The following OTUD7A variants were observed in gnomAD, a reference collection of about 807,000 sequenced individuals.
The protein encoded by OTUD7A is OTU deubiquitinase 7A.
OTUD7A carries 12 observed loss-of-function variants against 65.7 expected under a neutral mutation model. The ratio of observed to expected loss-of-function variants is 0.18; its 90% CI spans 0.12 to 0.30. The LOEUF is 0.30. OTUD7A is among the 10% of genes least tolerant of loss of function. The pLI is 1.00. For missense variants in OTUD7A, 1,148 were observed against 1,304.8 expected (o/e 0.88, Z 1.85); for synonymous variants, 641 against 586.3 (o/e 1.09, Z -1.35).
At chr15:31,749,182 C>T (rs1288816100) in intron 1 of OTUD7A, among the ~76,000 whole-genome samples, 2 of 151,992 alleles carry the variant, frequency 1.3e-5, no homozygotes, top group Non-Finnish European at 2.9e-5. Context: ...ATATACCTAA[C>T]GTTAAATGAC....
At chr15:31,488,152 G>A (rs1489062511) in intron 10 of OTUD7A, among the ~76,000 whole-genome samples, 3 of 152,184 alleles carry the variant, frequency 2.0e-5, no homozygotes, top group Non-Finnish European at 4.4e-5. Context: ...GATGAGCCCT[G>A]GAAGGGTAAA....
At position 31,484,243 on chromosome 15, in the gene OTUD7A, G is replaced by T; in HGVS notation, c.1853C>A (p.Ala618Asp). Residue 618 changes from alanine (A) to aspartate (D), a missense_variant, in exon 13 of 13, where the codon GCC becomes GAC. This residue lies in a region of OTUD7A where 842 missense variants were observed against 769.5 expected (regional missense o/e 1.09). Coordinates refer to ENST00000307050, the MANE Select transcript of OTUD7A (RefSeq NM_001382637.1). This position sits in a 1 kb window ranked among gnomAD's most constrained non-coding sequence, Gnocchi z 4.5. The part of the protein sequence containing the change: ...AEKGGGPRGD[A>D]WKYSTDVKLS... ...CTTCACATCCGTGCTGTACTTCCAG[G>T]CGTCGCCCCGCGGCCCACCGCCCTT... 1.3e-6 allele frequency: 2 copies of T among 1,598,508 alleles called. No homozygotes were observed.
At chr15:31,637,146 T>G (rs930704070) in intron 3 of OTUD7A, among the ~76,000 whole-genome samples, 42 of 152,362 alleles carry the variant, frequency 2.8e-4, no homozygotes, top group South Asian at 4.1e-4. Context: ...AGATGTTATC[T>G]AGGCTAGATG....
At chr15:31,799,116 T>C (rs575472162) in intron 1 of OTUD7A, among the ~76,000 whole-genome samples, 1 of 151,942 alleles carries the variant, frequency 6.6e-6, no homozygotes, top group African/African-American at 2.4e-5. Context: ...GAGTCTGGGG[T>C]GGATCCTTGA....
intron 3 of OTUD7A, among the ~76,000 whole-genome samples, chr15:31,606,565 A>T (rs1476058906): frequency 1.3e-5 from 2 of 152,230 alleles, no homozygotes; most frequent in Non-Finnish European, 2.9e-5. Flanking sequence ...CTATACTGCA[A>T]ATATGTACTA....
intron 4 of OTUD7A, among the ~76,000 whole-genome samples, chr15:31,564,938 TG>T (rs1888818264): frequency 6.6e-6 from 1 of 152,108 alleles, no homozygotes; most frequent in Non-Finnish European, 1.5e-5. Context: ...TTATATCAAA[TG>T]GCTTGACAAA....
intron 1 of OTUD7A, among the ~76,000 whole-genome samples, chr15:31,844,837 G>A (rs1041929927): frequency 1.3e-5 from 2 of 152,228 alleles, no homozygotes; most frequent in Non-Finnish European, 2.9e-5. Flanking sequence ...GCCCTGCCAG[G>A]AACAGTGCAA....
chr15:31,837,372 CAAAAAAAAAA>C (rs57479397), intron 1 of OTUD7A, among the ~76,000 whole-genome samples: 1,468 of 120,280 alleles, frequency 0.012, 25 homozygotes, highest in African/African-American at 0.038. Context: ...ACTAAAAATA[CAAAAAAAAAA>C]AAAAAAAAAA....
chr15:31,629,243 T>C lies in OTUD7A; in HGVS notation c.151+25853A>G, dbSNP rs570517316. Among the ~76,000 whole-genome samples, 4 of 152,298 alleles carry C rather than the reference T, an allele frequency of 2.6e-5. No homozygotes were observed. In the East Asian group the frequency reaches 7.7e-4, roughly 29 times the overall value. ...TGGCTGTGGGTTTGTCATAGATAGC[T>C]CTTAATATTTTGAGATATGTCCAAT... On this transcript the variant is annotated intron_variant, in intron 3 of 12. Coordinates refer to ENST00000307050, the MANE Select transcript of OTUD7A (RefSeq NM_001382637.1).
At chr15:31,633,724 C>G (rs1891248875) in intron 3 of OTUD7A, among the ~76,000 whole-genome samples, 1 of 152,160 alleles carries the variant, frequency 6.6e-6, no homozygotes, top group Non-Finnish European at 1.5e-5. Context: ...CCTACCTGCT[C>G]TAACCCAACG....
intron 1 of OTUD7A, among the ~76,000 whole-genome samples, chr15:31,676,433 T>C (rs1352686268): frequency 2.0e-5 from 3 of 152,216 alleles, no homozygotes; most frequent in Non-Finnish European, 2.9e-5. Context: ...AAAGTATCCA[T>C]GTGGCCAGTT....
Position 31,483,209 on chromosome 15 carries a change from A to T in OTUD7A, c.*85T>A. 9.7e-7 allele frequency: 1 copy of T among 1,033,010 alleles called. No individual in the cohort carries two copies. Among genetic ancestry groups the T allele is most frequent in the Non-Finnish European group, 1.2e-6 (1 of 860,734 alleles). 64.0% of individuals were successfully genotyped at this position (1,033,010 alleles called of 1,614,324 possible). ...AGAGGAGGCGCCGGCCTTCCGGTGG[A>T]CCAGGGCATGTAAAAAAGACACCGA... On this transcript the variant is annotated 3_prime_UTR_variant, in exon 13 of 13. Transcript: ENST00000307050.
intron 8 of OTUD7A, among the ~76,000 whole-genome samples, chr15:31,522,452 C>T (rs1198775015): frequency 6.6e-6 from 1 of 152,188 alleles, no homozygotes; most frequent in African/African-American, 2.4e-5. Flanking sequence ...TGGCACATGC[C>T]AGATCGTGGG....
chr15:31,858,253 A>G (rs1294749296), intron 1 of OTUD7A, among the ~76,000 whole-genome samples: 1 of 152,160 alleles, frequency 6.6e-6, no homozygotes, highest in Non-Finnish European at 1.5e-5. Flanking sequence ...AAGGAGACTG[A>G]GGCGGACCAC....
intron 1 of OTUD7A, among the ~76,000 whole-genome samples, chr15:31,854,199 T>C (rs1414280379): frequency 6.6e-6 from 1 of 152,194 alleles, no homozygotes; most frequent in Admixed American, 6.5e-5. Flanking sequence ...GCTGCCCTCA[T>C]TCTTTGGCTT....
chr15:31,837,051 C>T (rs1418653521), intron 1 of OTUD7A, among the ~76,000 whole-genome samples: 1 of 152,080 alleles, frequency 6.6e-6, no homozygotes, highest in Non-Finnish European at 1.5e-5. Flanking sequence ...ATAAAGCTAT[C>T]GCTATTTACA....
intron 1 of OTUD7A, among the ~76,000 whole-genome samples, chr15:31,751,209 A>C (rs1894625112): frequency 6.6e-6 from 1 of 152,228 alleles, no homozygotes; most frequent in African/African-American, 2.4e-5. Flanking sequence ...TAAGGAATGC[A>C]AACAAATCAA....
chr15:31,760,271 C>G (rs2140902621), intron 1 of OTUD7A, among the ~76,000 whole-genome samples: 1 of 152,282 alleles, frequency 6.6e-6, no homozygotes, highest in East Asian at 1.9e-4. Flanking sequence ...CATCATCCTT[C>G]CAATTAGCCC....
chr15:31,502,233 C>CAGAG (rs1352736701), intron 9 of OTUD7A, among the ~76,000 whole-genome samples: 4 of 152,180 alleles, frequency 2.6e-5, no homozygotes, highest in Non-Finnish European at 4.4e-5. Flanking sequence ...GTTTTGAGAA[C>CAGAG]CTCTTCTATT....
Sources: gnomAD v4.1 joint callset for allele counts (sites outside exome capture counted in the v4.1 genomes callset) on GRCh38, gnomAD v4.1.1 for gene constraint, gnomAD v4.1.1 regional missense constraint, Gnocchi (gnomAD v3.1) non-coding constraint, MANE v1.5 for transcripts, NCBI Gene and HGNC (gene_info 2026-07-23, HGNC 2026-07-21) for gene names.